The following LCP2 variants were observed in gnomAD, a reference collection of about 807,000 sequenced individuals.
LCP2 encodes the protein 76 kDa tyrosine phosphoprotein.
Under a neutral mutation model 74.5 loss-of-function variants are expected in LCP2, and 29 were observed. The observed-to-expected ratio is 0.39, with a 90% CI of 0.29 to 0.53. The LOEUF is 0.53. Among genes scored for constraint, LCP2 ranks in the 20% least tolerant of loss-of-function variants. The pLI is 0.72. For missense variants in LCP2, 604 were observed against 634.6 expected, an observed-to-expected ratio of 0.95 and a Z score of 0.52; for synonymous variants, 228 against 229.5, an observed-to-expected ratio of 0.99 and a Z score of 0.06.
chr5:170,271,834 A>G (rs919121422), intron 6 of LCP2, among the ~76,000 whole-genome samples: 49 of 152,286 alleles, frequency 3.2e-4, no homozygotes, highest in Admixed American at 1.2e-3. Flanking sequence ...TTTTTGAGGA[A>G]AGAAATGTTC....
intron 3 of LCP2, among the ~76,000 whole-genome samples, chr5:170,281,597 T>G (rs182600230): frequency 4.4e-4 from 67 of 152,338 alleles, no homozygotes; most frequent in South Asian, 6.2e-4. Context: ...CATGAGAATG[T>G]TCCTTTCGCC....
chr5:170,260,554 C>T (rs995548369), intron 14 of LCP2, among the ~76,000 whole-genome samples: 11 of 152,238 alleles, frequency 7.2e-5, no homozygotes, highest in Middle Eastern at 6.8e-3. Flanking sequence ...ATATGTAAAG[C>T]GAGAAATACT....
rs1182280918 is a variant in LCP2, at chr5:170,262,875, G to A, written c.799-14C>T. The A allele has an allele frequency of 6.2e-7, 1 of 1,613,882 alleles. No homozygotes were observed. The highest frequency in any genetic ancestry group is 2.2e-5 in the East Asian group (1 of 44,894). On this transcript the variant is annotated splice_polypyrimidine_tract_variant and intron_variant, in intron 11 of 20. Transcript: ENST00000046794. ...TGGAATCGAGGGCTGCAAGACAGGA[G>A]GAAAAATGTATGAGTGTCCAAGCAC...
intron 7 of LCP2, chr5:170,270,493 C>T (rs376276242): frequency 1.4e-5 from 7 of 494,204 alleles, no homozygotes; most frequent in Non-Finnish European, 2.1e-5. Context: ...TCACAGGAAA[C>T]CTATGTGGTC....
intron 3 of LCP2, among the ~76,000 whole-genome samples, chr5:170,280,125 G>T (rs1457332534): frequency 1.3e-5 from 2 of 152,018 alleles, no homozygotes; most frequent in African/African-American, 4.8e-5. Context: ...GATGTAGAGC[G>T]CATTCTTGCC....
intron 1 of LCP2, among the ~76,000 whole-genome samples, chr5:170,296,731 G>T (rs1311983113): frequency 1.3e-5 from 2 of 152,130 alleles, no homozygotes; most frequent in Non-Finnish European, 2.9e-5. Context: ...CCAAGCACAG[G>T]GATCCTTCAA....
chr5:170,270,979 G>A, intron 6 of LCP2, 62 bp from the exon 7 acceptor site: 1 of 1,402,332 alleles, frequency 7.1e-7, no homozygotes, highest in Non-Finnish European at 9.7e-7. Flanking sequence ...CGATGTGCCT[G>A]TGCCTACTCT....
chr5:170,266,782 A>G (rs778113382), intron 10 of LCP2, 26 bp downstream of exon 10: 1 of 1,564,798 alleles, frequency 6.4e-7, no homozygotes, highest in African/African-American at 1.4e-5. Context: ...CATTATTACT[A>G]TGCATTAAAT....
At chr5:170,264,768 C>T (rs114142268) in intron 10 of LCP2, among the ~76,000 whole-genome samples, 2,940 of 151,992 alleles carry the variant, frequency 0.019, 105 homozygotes, top group African/African-American at 0.068. Context: ...CACTGCACTC[C>T]AGCCTAGGTG....
intron 5 of LCP2, among the ~76,000 whole-genome samples, chr5:170,274,804 G>T (rs575757604): frequency 3.9e-4 from 59 of 152,042 alleles, no homozygotes; most frequent in African/African-American, 1.4e-3. Flanking sequence ...GTGAAACCCC[G>T]TCTCTACTAA....
In LCP2 at chr5:170,256,558, T is replaced by C; in HGVS notation, c.1118A>G (p.Gln373Arg). The C allele has an allele frequency of 2.5e-6, 4 of 1,612,828 alleles. No homozygotes were observed. The highest frequency in any genetic ancestry group is 3.4e-6 in the Non-Finnish European group (4 of 1,178,876). ...AFSESNSSFPQSASLPPYFSQ... is the reference protein window; with the variant it reads ...AFSESNSSFPRSASLPPYFSQ... Reference sequence around the variant, plus strand: ...GAAGTATGGTGGCAGGGAGGCACTCTGTGGAAAACTGCTGTTACTGAGGAG... The same window carrying C: ...GAAGTATGGTGGCAGGGAGGCACTCCGTGGAAAACTGCTGTTACTGAGGAG... Residue 373 changes from glutamine to arginine, a missense_variant, in exon 17 of 21, where the codon CAG becomes CGG. Physicochemically the swap from Gln to Arg is conservative, Grantham distance 43. Coordinates refer to ENST00000046794, the MANE Select transcript of LCP2 (RefSeq NM_005565.5). The surrounding 1 kb of genome is among the most constrained non-coding windows in gnomAD (Gnocchi z 4.5).
intron 3 of LCP2, among the ~76,000 whole-genome samples, chr5:170,277,471 GGC>G (rs1047942846): frequency 2.6e-5 from 4 of 152,142 alleles, no homozygotes; most frequent in African/African-American, 9.7e-5. Context: ...CTCCAGGCTG[GGC>G]GCGGTGGCTC....
At position 170,297,555 on chromosome 5, in the gene LCP2, G is replaced by A; in HGVS notation, c.57C>T (p.Ser19=). ...RSEVLGWDPD[S]LADYFKKLNY... The stretch of plus-strand genomic sequence containing the variant: ...TTACCTTCTTGAAATAGTCAGCAAG[G>A]CTGTCGGGGTCCCAGCCCAGGACCT... Residue 19 remains serine, a synonymous_variant, in exon 1 of 21, where the codon AGC becomes AGT. Coordinates refer to ENST00000046794, the MANE Select transcript of LCP2 (RefSeq NM_005565.5). 6.2e-7 allele frequency: 1 copy of A among 1,613,166 alleles called. No homozygotes were observed. Among genetic ancestry groups the A allele is most frequent in the Non-Finnish European group, 8.5e-7 (1 of 1,179,548 alleles).
intron 6 of LCP2, among the ~76,000 whole-genome samples, chr5:170,273,616 G>A (rs944324814): frequency 1.3e-5 from 2 of 152,030 alleles, no homozygotes; most frequent in African/African-American, 4.8e-5. Context: ...GGACTCAGTT[G>A]CCTCATCTGT....
Position 170,254,287 on chromosome 5 carries a change from G to A in LCP2, c.1151-1074C>T, listed in dbSNP as rs541012288. Among the ~76,000 whole-genome samples, 14 of 152,274 alleles carry A rather than the reference G, an allele frequency of 9.2e-5. No homozygotes were observed. In the South Asian group the frequency reaches 2.3e-3, roughly 25 times the overall value. On this transcript the variant is annotated intron_variant, in intron 17 of 20. Coordinates refer to ENST00000046794, the MANE Select transcript of LCP2 (RefSeq NM_005565.5). Reference sequence around the variant, plus strand: ...GAGTCAGAATCCCTGGGCGACTTGCGAGCACCTGGGGCTCAGAAATCTGCA... The same window carrying A: ...GAGTCAGAATCCCTGGGCGACTTGCAAGCACCTGGGGCTCAGAAATCTGCA...
intron 2 of LCP2, among the ~76,000 whole-genome samples, chr5:170,291,794 C>G (rs1301055824): frequency 6.6e-6 from 1 of 152,210 alleles, no homozygotes; most frequent in East Asian, 1.9e-4. Context: ...AGATGTCTTC[C>G]TCCCTTTCCA....
chr5:170,289,423 C>T (rs913126403), intron 2 of LCP2, among the ~76,000 whole-genome samples: 3 of 152,098 alleles, frequency 2.0e-5, no homozygotes, highest in African/African-American at 7.2e-5. Flanking sequence ...GAGGCTGGGG[C>T]TAGGGCATCT....
chr5:170,289,758 C>CTTTT (rs33981922), intron 2 of LCP2, among the ~76,000 whole-genome samples: 18 of 123,280 alleles, frequency 1.5e-4, no homozygotes, highest in African/African-American at 2.8e-4. Flanking sequence ...TTTTCTTTCT[C>CTTTT]TTTTTTTTTT....
Position 170,252,471 on chromosome 5 carries a change from C to G in LCP2, c.1286G>C (p.Arg429Pro). ...TCTAAGAGCAGCTTCTGCCTCTGGT[C>G]GGGTAATATAAGAAACGTACCACTC... ...NEEWYVSYIT[R>P]PEAEAALRKI... Residue 429 changes from arginine to proline, a missense_variant, in exon 19 of 21, where the codon CGA becomes CCA. Coordinates refer to ENST00000046794, the MANE Select transcript of LCP2 (RefSeq NM_005565.5). 6.3e-7 allele frequency: 1 copy of G among 1,588,458 alleles called. No homozygotes were observed.
Sources: gnomAD v4.1 joint callset for allele counts (sites outside exome capture counted in the v4.1 genomes callset) on GRCh38, gnomAD v4.1.1 for gene constraint, Gnocchi (gnomAD v3.1) non-coding constraint, MANE v1.5 for transcripts, NCBI Gene and HGNC (gene_info 2026-07-23, HGNC 2026-07-21) for gene names.